The following XXYLT1 variants were observed in gnomAD, a reference collection of about 807,000 sequenced individuals.
XXYLT1 encodes xyloside xylosyltransferase 1.
XXYLT1 carries 20 observed loss-of-function variants against 28.9 expected under a neutral mutation model. The observed-to-expected ratio is 0.69, with a 90% CI of 0.49 to 1.00. The LOEUF is 1.00. Ranked by LOEUF, XXYLT1 falls within the 50% of genes least tolerant of loss-of-function variation. The pLI is 0.00. For missense variants in XXYLT1, 542 were observed against 560.1 expected (o/e 0.97, Z 0.33); for synonymous variants, 257 against 253.8 (o/e 1.01, Z -0.12).
chr3:195,186,827 T>A (rs1401057190), intron 2 of XXYLT1, among the ~76,000 whole-genome samples: 1 of 151,672 alleles, frequency 6.6e-6, no homozygotes, highest in African/African-American at 2.4e-5. Context: ...AAATCTTTGC[T>A]GAGTGAGTGA....
intron 1 of XXYLT1, among the ~76,000 whole-genome samples, chr3:195,236,326 C>T (rs1724546246): frequency 6.6e-6 from 1 of 152,144 alleles, no homozygotes; most frequent in Non-Finnish European, 1.5e-5. Context: ...GTCCTTCCCA[C>T]TCTTCCCTCC....
At chr3:195,187,359 G>T (rs568630232) in intron 2 of XXYLT1, among the ~76,000 whole-genome samples, 25 of 152,052 alleles carry the variant, frequency 1.6e-4, no homozygotes, top group Non-Finnish European at 2.5e-4. Context: ...CACCATGCCC[G>T]GCCAGCTGAA....
rs147405435 is a variant in XXYLT1 at position 195,149,004 on chromosome 3, T to C, written c.785+7445A>G. Reference sequence around the variant, plus strand: ...CTGATAGTTATTGAGGCTGCATGGATATTATAATATTGGGGCATCCAGAAA... The same window carrying C: ...CTGATAGTTATTGAGGCTGCATGGACATTATAATATTGGGGCATCCAGAAA... On this transcript the variant is annotated intron_variant, in intron 3 of 3. Transcript: ENST00000310380. Among the ~76,000 whole-genome samples the C allele has an allele frequency of 9.3e-4, 141 of 152,346 alleles. 1 individual carries two copies. The highest frequency in any genetic ancestry group is 3.1e-3 in the African/African-American group (130 of 41,584).
intron 3 of XXYLT1, among the ~76,000 whole-genome samples, chr3:195,102,353 C>T (rs919327609): frequency 6.6e-6 from 1 of 152,140 alleles, no homozygotes; most frequent in African/African-American, 2.4e-5. Context: ...TGATAGCCCT[C>T]ATGTCACACA....
intron 3 of XXYLT1, among the ~76,000 whole-genome samples, chr3:195,112,491 C>G (rs375363697): frequency 8.6e-5 from 6 of 69,922 alleles, no homozygotes; most frequent in South Asian, 1.3e-3. Context: ...CACGCATGGA[C>G]ACATGCACAC....
intron 1 of XXYLT1, among the ~76,000 whole-genome samples, chr3:195,227,758 CT>C (rs1724119000): frequency 6.6e-6 from 1 of 152,204 alleles, no homozygotes; most frequent in African/African-American, 2.4e-5. Context: ...GCCCCACACT[CT>C]TTCCACCATA....
intron 2 of XXYLT1, among the ~76,000 whole-genome samples, chr3:195,193,541 T>C (rs1386091732): frequency 6.6e-6 from 1 of 152,128 alleles, no homozygotes; most frequent in Non-Finnish European, 1.5e-5. Flanking sequence ...GATGAATTGA[T>C]CCTAAAATGT....
intron 2 of XXYLT1, 120 bp from the exon 3 acceptor site, chr3:195,156,701 A>C (rs1720614122): frequency 7.7e-7 from 1 of 1,305,276 alleles, no homozygotes; most frequent in Admixed American, 2.4e-5. Context: ...TTGTCAGTGA[A>C]TGATGCACAG....
intron 1 of XXYLT1, among the ~76,000 whole-genome samples, chr3:195,261,467 G>A (rs1272322372): frequency 6.6e-6 from 1 of 151,476 alleles, no homozygotes; most frequent in Non-Finnish European, 1.5e-5. Flanking sequence ...GGAAATTAAA[G>A]AAAAGAAAAG....
intron 3 of XXYLT1, among the ~76,000 whole-genome samples, chr3:195,154,296 G>A (rs1384386496): frequency 1.3e-5 from 2 of 152,160 alleles, no homozygotes; most frequent in Non-Finnish European, 2.9e-5. Flanking sequence ...CAGGAGTTGG[G>A]CACGTGGGCT....
At chr3:195,119,960 C>A (rs1331013679) in intron 3 of XXYLT1, among the ~76,000 whole-genome samples, 2 of 152,128 alleles carry the variant, frequency 1.3e-5, no homozygotes, top group Non-Finnish European at 2.9e-5. Context: ...CCTGTCCCTG[C>A]ATTCCCTTGG....
intron 2 of XXYLT1, among the ~76,000 whole-genome samples, chr3:195,220,145 G>C (rs867687270): frequency 6.6e-6 from 1 of 152,078 alleles, no homozygotes; most frequent in Admixed American, 6.5e-5. Context: ...TACTTTTTCT[G>C]TTGTTTGAGA....
chr3:195,145,567 C>T (rs1341222477), intron 3 of XXYLT1, among the ~76,000 whole-genome samples: 2 of 141,750 alleles, frequency 1.4e-5, no homozygotes, highest in African/African-American at 6.1e-5. Context: ...CCTCACTCCA[C>T]GGTGACCGGC....
intron 2 of XXYLT1, among the ~76,000 whole-genome samples, chr3:195,224,408 C>T (rs1326665581): frequency 1.3e-5 from 2 of 152,336 alleles, no homozygotes; most frequent in South Asian, 2.1e-4. Flanking sequence ...CTATGCCAGG[C>T]TCTTGGACAG....
rs1477674448 is a variant in XXYLT1, at chr3:195,078,413, G to A, written c.786-8302C>T. ...TTTCTGCTGTGGGAGCTCCTGCAGA[G>A]CCACTGAGCTACACGGGCCTTCCAG... On this transcript the variant is annotated intron_variant, in intron 3 of 3. Coordinates refer to ENST00000310380, the MANE Select transcript of XXYLT1 (RefSeq NM_152531.5). The surrounding 1 kb of genome is among the most constrained non-coding windows in gnomAD (Gnocchi z 5.0). 6.6e-6 allele frequency among the ~76,000 whole-genome samples: 1 copy of A among 152,054 alleles called. No homozygotes were observed. Among genetic ancestry groups the A allele is most frequent in the African/African-American group, 2.4e-5 (1 of 41,408 alleles).
chr3:195,270,178 G>A (rs1014072367), intron 1 of XXYLT1: 2 of 495,422 alleles, frequency 4.0e-6, no homozygotes, highest in South Asian at 1.6e-5. Context: ...GACTACTGGT[G>A]ACCAGTCCCA....
chr3:195,219,483 A>G (rs1723725798), intron 2 of XXYLT1, among the ~76,000 whole-genome samples: 1 of 152,258 alleles, frequency 6.6e-6, no homozygotes, highest in African/African-American at 2.4e-5. Flanking sequence ...CAGGGCAGGC[A>G]GGCAGGAAGG....
intron 3 of XXYLT1, among the ~76,000 whole-genome samples, chr3:195,103,366 G>A (rs1716903561): frequency 6.7e-6 from 1 of 149,216 alleles, no homozygotes; most frequent in African/African-American, 2.5e-5. Context: ...CCCCACGCCA[G>A]CGGCCTGCGT....
At chr3:195,227,932 C>T (rs1724126007) in intron 1 of XXYLT1, among the ~76,000 whole-genome samples, 1 of 152,218 alleles carries the variant, frequency 6.6e-6, no homozygotes, top group African/African-American at 2.4e-5. Context: ...CCCAGCTTCA[C>T]ATGTGATACC....
Sources: allele counts gnomAD v4.1 joint callset (sites outside exome capture counted in the v4.1 genomes callset), GRCh38; gene constraint gnomAD v4.1.1; non-coding constraint Gnocchi (gnomAD v3.1); transcripts MANE v1.5; gene names NCBI Gene and HGNC (gene_info 2026-07-23, HGNC 2026-07-21).